PAPSS2: variants seen among roughly 807,000 people sequenced by gnomAD.
PAPSS2 encodes the protein 3'-phosphoadenosine 5'-phosphosulfate synthase 2, also known as bifunctional 3'-phosphoadenosine 5'-phosphosulfate synthase 2.
PAPSS2 carries 61 observed loss-of-function variants against 66.5 expected under a neutral mutation model. That is an observed-to-expected ratio of 0.92 (90% confidence interval 0.75 to 1.14). The LOEUF is 1.14. Among genes scored for constraint, PAPSS2 ranks in the 50% most tolerant of loss-of-function variants. The probability of loss-of-function intolerance (pLI) is 0.00; values close to 1 mark genes in which losing one functional copy is unlikely to be tolerated. For synonymous variants in PAPSS2, 289 were observed against 287.5 expected (o/e 1.01, Z -0.05); for missense variants, 708 against 789.6 (o/e 0.90, Z 1.24).
chr10:87,727,443 G>A lies in PAPSS2; in HGVS notation c.1040G>A (p.Cys347Tyr), dbSNP rs532144990. ...EFYEHRKEER[C>Y]SRVWGTTCTK... ...TATGAACACAGAAAAGAGGAACGCT[G>A]TTCCCGTGTTTGGGGGACAACATGT... is the stretch of plus-strand genomic sequence containing the variant. Residue 347 changes from cysteine to tyrosine, a missense_variant, in exon 9 of 13, where the codon TGT becomes TAT. Physicochemically the swap from Cys to Tyr is radical, Grantham distance 194. Coordinates refer to ENST00000456849, the MANE Select transcript of PAPSS2 (RefSeq NM_001015880.2). 1.2e-5 allele frequency: 19 copies of A among 1,614,032 alleles called. No homozygotes were observed. The highest frequency in any genetic ancestry group is 1.7e-5 in the Admixed American group (1 of 60,004).
chr10:87,731,684 T>A (rs576982820), intron 9 of PAPSS2, among the ~76,000 whole-genome samples: 96 of 152,288 alleles, frequency 6.3e-4, no homozygotes, highest in Non-Finnish European at 1.2e-3. Context: ...CCTTCATGGA[T>A]GACTTTGAGG....
At chr10:87,704,404 A>G (rs1361184212) in intron 1 of PAPSS2, among the ~76,000 whole-genome samples, 1 of 152,228 alleles carries the variant, frequency 6.6e-6, no homozygotes, top group Non-Finnish European at 1.5e-5. Context: ...CAGAGCTTGG[A>G]GTTTACTGTG....
intron 2 of PAPSS2, among the ~76,000 whole-genome samples, chr10:87,711,784 C>T (rs1564720449): frequency 6.6e-6 from 1 of 152,118 alleles, no homozygotes; most frequent in Non-Finnish European, 1.5e-5. Flanking sequence ...GTCCTTCATT[C>T]CTGCTTTTTC....
Position 87,660,346 on chromosome 10 carries a change from A to G in PAPSS2, c.27+338A>G, listed in dbSNP as rs1852734501. On this transcript the variant is annotated intron_variant, in intron 1 of 12. Transcript: ENST00000456849. Reference sequence around the variant, plus strand: ...CCCTTTCTTTCCCAAGAGCTCTTCCAGACCCGCCTTTTCTTCTGTAGGGTC... The same window carrying G: ...CCCTTTCTTTCCCAAGAGCTCTTCCGGACCCGCCTTTTCTTCTGTAGGGTC... 5 of 492,652 alleles carry G rather than the reference A, an allele frequency of 1.0e-5. No homozygotes were observed. The East Asian group carries it at 1.9e-4, about 18-fold the overall frequency. 30.5% of individuals were successfully genotyped at this position (492,652 alleles called of 1,614,324 possible). A position where few individuals can be genotyped will look rare whatever the true frequency, so the allele number is the denominator to read the frequency against.
intron 2 of PAPSS2, among the ~76,000 whole-genome samples, chr10:87,710,626 C>T (rs1236859646): frequency 1.3e-5 from 2 of 152,196 alleles, no homozygotes; most frequent in African/African-American, 2.4e-5. Context: ...AGAAACATAT[C>T]TAAAGGGTAT....
At chr10:87,696,259 A>C (rs935185075) in intron 1 of PAPSS2, among the ~76,000 whole-genome samples, 1 of 152,240 alleles carries the variant, frequency 6.6e-6, no homozygotes, top group Non-Finnish European at 1.5e-5. Flanking sequence ...GTTTCAAAAA[A>C]CATAGCTCTT....
chr10:87,743,294 A>G (rs1182979204), intron 10 of PAPSS2, 79 bp from the exon 11 acceptor site: 1 of 1,403,750 alleles, frequency 7.1e-7, no homozygotes. Context: ...CAATAAACAT[A>G]GCTGTGTCCT....
At chr10:87,698,110 T>C (rs1241454336) in intron 1 of PAPSS2, among the ~76,000 whole-genome samples, 1 of 152,248 alleles carries the variant, frequency 6.6e-6, no homozygotes, top group Non-Finnish European at 1.5e-5. Context: ...TCTGTTTTTT[T>C]CTTTGTCATC....
chr10:87,660,393 C>T, intron 1 of PAPSS2: 1 of 336,544 alleles, frequency 3.0e-6, no homozygotes, highest in Non-Finnish European at 5.5e-6. Flanking sequence ...CGAGCTGACT[C>T]CCGTTCTGCC....
Position 87,745,301 on chromosome 10 carries a change from C to T in PAPSS2, c.1721+70C>T. On this transcript the variant is annotated intron_variant, in intron 12 of 12. Transcript: ENST00000456849. The stretch of plus-strand genomic sequence containing the variant: ...GAAATGATGAGGCAGAATTTGGGCC[C>T]TTTGAAAAACTCTCCAGTGCATTGC... 5.7e-6 allele frequency: 7 copies of T among 1,230,724 alleles called. No homozygotes were observed. In the Admixed American group the frequency reaches 5.9e-5, roughly 10 times the overall value. The allele number at this position is 1,230,724 out of a possible 1,614,324, so 76.2% of individuals were successfully genotyped here.
At chr10:87,682,471 A>T (rs546375861) in intron 1 of PAPSS2, among the ~76,000 whole-genome samples, 3 of 152,232 alleles carry the variant, frequency 2.0e-5, no homozygotes, top group African/African-American at 4.8e-5. Context: ...CCCTTCCATC[A>T]ATGGGAGTTG....
rs1853438034 is a variant in PAPSS2 at position 87,709,373 on chromosome 10, T to A, written c.145+60T>A. 5.8e-6 allele frequency: 6 copies of A among 1,026,202 alleles called. No individual in the cohort carries two copies. The South Asian group carries it at 6.4e-5, about 11-fold the overall frequency. 63.6% of individuals were successfully genotyped at this position (1,026,202 alleles called of 1,614,324 possible). Reference sequence around the variant, plus strand: ...AATTGCAAACTGACATGTGACACAATTTTATGGAAATTAGTGTAACGTATT... The same window carrying A: ...AATTGCAAACTGACATGTGACACAAATTTATGGAAATTAGTGTAACGTATT... On this transcript the variant is annotated intron_variant, in intron 2 of 12. Transcript: ENST00000456849.
intron 1 of PAPSS2, among the ~76,000 whole-genome samples, chr10:87,693,525 T>G (rs1168678053): frequency 9.9e-5 from 15 of 152,234 alleles, no homozygotes; most frequent in Non-Finnish European, 2.9e-5. Flanking sequence ...CTTTGGATTG[T>G]TCATATTTGT....
intron 1 of PAPSS2, among the ~76,000 whole-genome samples, chr10:87,684,816 C>T (rs1344976208): frequency 6.6e-6 from 1 of 152,218 alleles, no homozygotes; most frequent in Non-Finnish European, 1.5e-5. Flanking sequence ...CCTCAAGTCA[C>T]ACAGGTCATT....
At chr10:87,674,907 C>T (rs1008657818) in intron 1 of PAPSS2, among the ~76,000 whole-genome samples, 11 of 152,052 alleles carry the variant, frequency 7.2e-5, no homozygotes, top group Non-Finnish European at 1.5e-4. Flanking sequence ...TTTTTGACTC[C>T]AAAAAGGGTA....
chr10:87,713,135 A>G lies in PAPSS2; in HGVS notation c.206A>G (p.His69Arg), dbSNP rs754260978. The G allele has an allele frequency of 1.2e-5, 20 of 1,613,628 alleles. No individual in the cohort carries two copies. Among genetic ancestry groups the G allele is most frequent in the Middle Eastern group, 3.3e-4 (2 of 6,062 alleles). Residue 69 changes from histidine to arginine, a missense_variant, in exon 3 of 13, where the codon CAT (histidine) becomes CGT (arginine). His to Arg is a conservative substitution (Grantham distance 29). Transcript: ENST00000456849. ...SFALEEYLVS[H>R]AIPCYSLDGD... ...GCCCTGGAGGAGTACCTTGTCTCCCATGCCATCCCTTGTTACTCCCTGGAT... is the reference window on the plus strand; with the variant it reads ...GCCCTGGAGGAGTACCTTGTCTCCCGTGCCATCCCTTGTTACTCCCTGGAT...
intron 8 of PAPSS2, among the ~76,000 whole-genome samples, chr10:87,724,819 T>C (rs956997392): frequency 1.3e-5 from 2 of 150,322 alleles, no homozygotes; most frequent in African/African-American, 4.9e-5. Context: ...TATCTATGTA[T>C]TATATATAGG....
chr10:87,668,658 A>ATGTGTGTGTGTG (rs58768390), intron 1 of PAPSS2, among the ~76,000 whole-genome samples: 5 of 149,152 alleles, frequency 3.4e-5, no homozygotes, highest in Non-Finnish European at 1.5e-5. Flanking sequence ...TACTTTAAAA[A>ATGTGTGTGTGTG]TGTGTGTGTG....
chr10:87,686,907 T>G (rs1304116561), intron 1 of PAPSS2, among the ~76,000 whole-genome samples: 1 of 152,222 alleles, frequency 6.6e-6, no homozygotes, highest in Middle Eastern at 3.2e-3. Context: ...AGGTTAGGGC[T>G]TATTTTCTGA....
Sources: allele counts gnomAD v4.1 joint callset (sites outside exome capture counted in the v4.1 genomes callset), GRCh38; gene constraint gnomAD v4.1.1; transcripts MANE v1.5; gene names NCBI Gene and HGNC (gene_info 2026-07-23, HGNC 2026-07-21).